SKAP2: variants seen among roughly 807,000 people sequenced by gnomAD.
SKAP2 encodes src kinase-associated phosphoprotein 2.
SKAP2 carries 28 observed loss-of-function variants against 54.9 expected under a neutral mutation model. The observed-to-expected ratio is 0.51, with a 90% CI of 0.38 to 0.70. The LOEUF is 0.70. Ranked by LOEUF, SKAP2 falls within the 30% of genes least tolerant of loss-of-function variation. SKAP2 has a pLI of 0.00. For synonymous variants in SKAP2, 137 were observed against 134.3 expected (o/e 1.02, Z -0.14); for missense variants, 356 against 424.1 (o/e 0.84, Z 1.41).
At chr7:26,724,378 T>C (rs1350606188) in intron 9 of SKAP2, among the ~76,000 whole-genome samples, 3 of 152,134 alleles carry the variant, frequency 2.0e-5, no homozygotes, top group Non-Finnish European at 2.9e-5. Context: ...ATTTTATAAA[T>C]GAAGAAATTA....
intron 6 of SKAP2, among the ~76,000 whole-genome samples, chr7:26,738,056 T>C (rs1361071499): frequency 1.3e-5 from 2 of 151,986 alleles, no homozygotes; most frequent in Non-Finnish European, 2.9e-5. Flanking sequence ...GGCTGCAGGG[T>C]GTGATGACTA....
At chr7:26,759,939 T>A (rs1782887044) in intron 4 of SKAP2, among the ~76,000 whole-genome samples, 1 of 148,856 alleles carries the variant, frequency 6.7e-6, no homozygotes, top group Non-Finnish European at 1.5e-5. Flanking sequence ...CAAAAAAGCA[T>A]CTTAATGCTT....
intron 9 of SKAP2, among the ~76,000 whole-genome samples, chr7:26,718,022 TATACATAC>T (rs755874393): frequency 2.1e-4 from 32 of 151,844 alleles, no homozygotes; most frequent in Middle Eastern, 3.4e-3. Context: ...ATTATATATA[TATACATAC>T]ATACATACAT....
chr7:26,664,541 G>GT (rs1312590845), downstream of SKAP2, among the ~76,000 whole-genome samples: 1 of 152,028 alleles, frequency 6.6e-6, no homozygotes, highest in African/African-American at 2.4e-5. Context: ...TCCTTTGAGA[G>GT]TACCTGTGTG....
intron 11 of SKAP2, among the ~76,000 whole-genome samples, chr7:26,677,242 AT>A: frequency 6.6e-6 from 1 of 152,150 alleles, no homozygotes; most frequent in East Asian, 1.9e-4. Flanking sequence ...AATACAAAAA[AT>A]TAGCCGGGCA....
At chr7:26,800,209 CA>C (rs1783883981) in intron 4 of SKAP2, among the ~76,000 whole-genome samples, 1 of 152,012 alleles carries the variant, frequency 6.6e-6, no homozygotes, top group African/African-American at 2.4e-5. Context: ...AAATTAATAA[CA>C]AGAGGAATTT....
At chr7:26,730,693 T>C (rs1472502335) in intron 6 of SKAP2, among the ~76,000 whole-genome samples, 1 of 152,232 alleles carries the variant, frequency 6.6e-6, no homozygotes, top group African/African-American at 2.4e-5. Flanking sequence ...CAGGAAAAAC[T>C]AGATAATGAA....
chr7:26,677,373 CAG>C lies in SKAP2; in HGVS notation c.988-7183_988-7182del, dbSNP rs1786373195. 3.0e-5 allele frequency among the ~76,000 whole-genome samples: 4 copies of C among 131,210 alleles called. No homozygotes were observed. In the South Asian group the frequency reaches 9.5e-4, roughly 31 times the overall value. The allele number at this position is 131,210 out of a possible 152,430, so 86.1% of individuals were successfully genotyped here. A position where few individuals can be genotyped will look rare whatever the true frequency, so the allele number is the denominator to read the frequency against. On this transcript the variant is annotated intron_variant, in intron 11 of 12. Transcript: ENST00000345317. ...CATCACTGCACCCCAGCCTGGGTGA[CAG>C]AGCAAGACTCTGTCTCAATAAAAAA...
chr7:26,830,840 A>C (rs559416272), intron 4 of SKAP2, among the ~76,000 whole-genome samples: 1 of 152,256 alleles, frequency 6.6e-6, no homozygotes, highest in South Asian at 2.1e-4. Context: ...TTTTTGTAAA[A>C]ATAATATACA....
intron 9 of SKAP2, among the ~76,000 whole-genome samples, chr7:26,692,413 G>C (rs886112760): frequency 6.6e-6 from 1 of 152,130 alleles, no homozygotes; most frequent in Non-Finnish European, 1.5e-5. Flanking sequence ...AGGACTACAG[G>C]TGGAAATTTA....
chr7:26,689,096 T>C (rs1786718513), intron 10 of SKAP2, among the ~76,000 whole-genome samples: 1 of 152,154 alleles, frequency 6.6e-6, no homozygotes, highest in South Asian at 2.1e-4. Flanking sequence ...CCTGTCCAGG[T>C]CTAGAATCAG....
chr7:26,854,396 T>C (rs1785116719), intron 2 of SKAP2, among the ~76,000 whole-genome samples: 1 of 152,084 alleles, frequency 6.6e-6, no homozygotes, highest in Non-Finnish European at 1.5e-5. Flanking sequence ...TTAATACTTA[T>C]GACATGTAAA....
At chr7:26,768,489 T>A (rs192868407) in intron 4 of SKAP2, among the ~76,000 whole-genome samples, 2 of 152,342 alleles carry the variant, frequency 1.3e-5, no homozygotes, top group Non-Finnish European at 2.9e-5. Context: ...ATGAATTTGA[T>A]CCTGTCATTA....
intron 9 of SKAP2, among the ~76,000 whole-genome samples, chr7:26,705,484 T>C (rs1211299335): frequency 1.3e-5 from 2 of 152,192 alleles, no homozygotes; most frequent in African/African-American, 4.8e-5. Flanking sequence ...AGCATAATGT[T>C]AACTATCTGA....
At chr7:26,769,418 G>A (rs1299818061) in intron 4 of SKAP2, among the ~76,000 whole-genome samples, 3 of 152,150 alleles carry the variant, frequency 2.0e-5, no homozygotes, top group Non-Finnish European at 1.5e-5. Flanking sequence ...TTAGGTTGGA[G>A]GAGTTTGTTA....
chr7:26,710,448 G>A (rs1321097883), intron 9 of SKAP2, among the ~76,000 whole-genome samples: 1 of 152,184 alleles, frequency 6.6e-6, no homozygotes, highest in Admixed American at 6.5e-5. Flanking sequence ...GGGGAGATGG[G>A]ATTTGATCTG....
chr7:26,705,182 C>G (rs1787130530), intron 9 of SKAP2, among the ~76,000 whole-genome samples: 1 of 152,112 alleles, frequency 6.6e-6, no homozygotes, highest in Non-Finnish European at 1.5e-5. Flanking sequence ...TTTCTCATCC[C>G]CAAATAACAA....
At chr7:26,720,061 C>CAG (rs1554296119) in intron 9 of SKAP2, among the ~76,000 whole-genome samples, 164 of 125,968 alleles carry the variant, frequency 1.3e-3, no homozygotes, top group African/African-American at 4.2e-3. Context: ...AACACACACA[C>CAG]ACACACACAC....
chr7:26,756,134 C>T (rs868308102), intron 4 of SKAP2, among the ~76,000 whole-genome samples: 16 of 152,276 alleles, frequency 1.1e-4, no homozygotes, highest in Non-Finnish European at 1.5e-4. Flanking sequence ...TTGAAAAACA[C>T]AAGTGGTATA....
Sources: gnomAD v4.1 joint callset for allele counts (sites outside exome capture counted in the v4.1 genomes callset) on GRCh38, gnomAD v4.1.1 for gene constraint, MANE v1.5 for transcripts, NCBI Gene and HGNC (gene_info 2026-07-23, HGNC 2026-07-21) for gene names.